FAM135B: variants seen among roughly 807,000 people sequenced by gnomAD.
The protein encoded by FAM135B is protein FAM135B.
A neutral mutation model predicts 127.7 loss-of-function variants in FAM135B; 43 were observed. That is an observed-to-expected ratio of 0.34 (90% CI 0.26 to 0.43). The LOEUF (loss-of-function observed/expected upper bound fraction) is 0.43, where lower values mean the gene tolerates loss of function less well. FAM135B is among the 20% of genes least tolerant of loss of function. The pLI is 1.00. For missense variants in FAM135B, 1,558 were observed against 1,725.6 expected (o/e 0.90, Z 1.72); for synonymous variants, 670 against 665.1 (o/e 1.01, Z -0.11).
intron 1 of FAM135B, among the ~76,000 whole-genome samples, chr8:138,416,878 A>G (rs1488042976): frequency 6.6e-6 from 1 of 152,058 alleles, no homozygotes; most frequent in African/African-American, 2.4e-5. Flanking sequence ...AAGCACCAGG[A>G]CTCAGTCCTG....
intron 6 of FAM135B, among the ~76,000 whole-genome samples, chr8:138,248,072 T>C (rs1275974224): frequency 6.6e-6 from 1 of 152,200 alleles, no homozygotes; most frequent in African/African-American, 2.4e-5. Context: ...TGGGAGGTGC[T>C]AAATAAAAAT....
chr8:138,274,993 C>T (rs1261412344), intron 3 of FAM135B, among the ~76,000 whole-genome samples: 1 of 151,958 alleles, frequency 6.6e-6, no homozygotes, highest in African/African-American at 2.4e-5. Flanking sequence ...TCCTCCTCAG[C>T]TGACAGGATT....
chr8:138,255,921 A>T (rs990470455), intron 5 of FAM135B, among the ~76,000 whole-genome samples: 1 of 152,152 alleles, frequency 6.6e-6, no homozygotes, highest in Admixed American at 6.5e-5. Context: ...TGGGAAAGAA[A>T]GGGGGGATAT....
rs1817161999 is a variant in FAM135B at position 138,141,668 on chromosome 8, C to A, written c.3639-319G>T. On this transcript the variant is annotated intron_variant, in intron 16 of 19. Coordinates refer to ENST00000395297, the MANE Select transcript of FAM135B (RefSeq NM_015912.4). The surrounding 1 kb of genome is among the most constrained non-coding windows in gnomAD (Gnocchi z 4.7). ...AAGGGAAGGTCCTTCCTGAAATGCACCTCTGAGCATTGAAATCTCCTGGTC... is the reference window on the plus strand; with the variant it reads ...AAGGGAAGGTCCTTCCTGAAATGCAACTCTGAGCATTGAAATCTCCTGGTC... 6.6e-6 allele frequency among the ~76,000 whole-genome samples: 1 copy of A among 152,150 alleles called. No homozygotes were observed. The highest frequency in any genetic ancestry group is 2.1e-4 in the South Asian group (1 of 4,820).
chr8:138,188,325 G>T (rs1815773510), intron 9 of FAM135B, among the ~76,000 whole-genome samples: 1 of 152,156 alleles, frequency 6.6e-6, no homozygotes. Flanking sequence ...GCAGGCCCAG[G>T]ACTCACAACC....
At chr8:138,461,197 C>A (rs768235793) in intron 1 of FAM135B, among the ~76,000 whole-genome samples, 6 of 152,098 alleles carry the variant, frequency 3.9e-5, no homozygotes, top group Non-Finnish European at 8.8e-5. Flanking sequence ...GACAGCAGTC[C>A]TGGCTCACAC....
chr8:138,414,476 G>T (rs1834033724), intron 1 of FAM135B, among the ~76,000 whole-genome samples: 1 of 152,092 alleles, frequency 6.6e-6, no homozygotes, highest in African/African-American at 2.4e-5. Context: ...CCCCCCAAAA[G>T]AGATGGTGCA....
intron 9 of FAM135B, among the ~76,000 whole-genome samples, chr8:138,187,856 GC>G (rs1394033608): frequency 6.6e-6 from 1 of 152,170 alleles, no homozygotes; most frequent in African/African-American, 2.4e-5. Context: ...TTTGAGCCCG[GC>G]CCCGATCTCT....
chr8:138,404,961 A>T (rs1363965954), intron 1 of FAM135B, among the ~76,000 whole-genome samples: 1 of 152,194 alleles, frequency 6.6e-6, no homozygotes, highest in Non-Finnish European at 1.5e-5. Context: ...AATGGCAGCT[A>T]AAATTATGAA....
intron 4 of FAM135B, among the ~76,000 whole-genome samples, chr8:138,259,441 AC>A (rs1250567008): frequency 6.6e-6 from 1 of 152,188 alleles, no homozygotes; most frequent in Non-Finnish European, 1.5e-5. Context: ...AATTACACCT[AC>A]TTGCAAAGCA....
chr8:138,438,555 A>C (rs916641388), intron 1 of FAM135B: 1 of 152,228 alleles, frequency 6.6e-6, no homozygotes, highest in Admixed American at 6.5e-5. Context: ...TTATTGAAAC[A>C]GGAGAAAAGA....
chr8:138,152,040 C>T lies in FAM135B; in HGVS notation c.2435G>A (p.Cys812Tyr), dbSNP rs780954679. The T allele has an allele frequency of 6.2e-7, 1 of 1,614,036 alleles. No individual in the cohort carries two copies. The highest frequency in any genetic ancestry group is 8.5e-7 in the Non-Finnish European group (1 of 1,180,034). ...TCCAGAGTCACCACAAAGTTGAGAG[C>T]AAGATCCTGGGGAACCTTGGCTCTT... ...HSKSQGSPGS[C>Y]SQLCGDSGTD... The change falls in exon 13 of 20, where the codon TGC becomes TAC. Residue 812 changes from cysteine (C) to tyrosine (Y), a missense_variant. Cys to Tyr is a radical substitution (Grantham distance 194). Around this residue, in one of 5 missense-constraint regions of FAM135B, gnomAD observed 923 missense variants for 865.3 expected, o/e 1.07. Transcript: ENST00000395297.
intron 2 of FAM135B, among the ~76,000 whole-genome samples, chr8:138,360,770 CATG>C (rs1830371167): frequency 6.6e-6 from 1 of 152,130 alleles, no homozygotes; most frequent in South Asian, 2.1e-4. Context: ...ACTTCTAGTA[CATG>C]ATGAAGTTTG....
chr8:138,375,506 C>T (rs148698921), intron 1 of FAM135B, among the ~76,000 whole-genome samples: 29 of 152,226 alleles, frequency 1.9e-4, no homozygotes, highest in African/African-American at 6.0e-4. Context: ...CAGTCTCCTC[C>T]TCTGTAAAAC....
At chr8:138,155,246 G>A (rs1211736534) in intron 12 of FAM135B, among the ~76,000 whole-genome samples, 2 of 152,172 alleles carry the variant, frequency 1.3e-5, no homozygotes, top group African/African-American at 4.8e-5. Context: ...AGCAAATGCT[G>A]AGAGATTTTG....
intron 1 of FAM135B, among the ~76,000 whole-genome samples, chr8:138,402,203 C>CTTTT (rs3085343): frequency 0.46 from 70,375 of 151,490 alleles, 16,733 homozygotes; most frequent in Admixed American, 0.58. Flanking sequence ...GGAACACTGC[C>CTTTT]TTTTCAACAG....
chr8:138,427,120 C>T (rs1834931669), intron 1 of FAM135B, among the ~76,000 whole-genome samples: 1 of 151,814 alleles, frequency 6.6e-6, no homozygotes, highest in Admixed American at 6.6e-5. Context: ...GGTGTTATAA[C>T]TCAGGATTGT....
chr8:138,421,858 G>C (rs1834528820), intron 1 of FAM135B, among the ~76,000 whole-genome samples: 1 of 152,092 alleles, frequency 6.6e-6, no homozygotes, highest in Non-Finnish European at 1.5e-5. Flanking sequence ...AAAGCTAGAG[G>C]CATTACATTA....
intron 3 of FAM135B, among the ~76,000 whole-genome samples, chr8:138,299,113 T>TAAAAA (rs1462981187): frequency 4.2e-5 from 6 of 143,080 alleles, no homozygotes; most frequent in African/African-American, 7.8e-5. Flanking sequence ...ATAAATAAAA[T>TAAAAA]AAAAATAAAA....
Sources: allele counts gnomAD v4.1 joint callset (sites outside exome capture counted in the v4.1 genomes callset), GRCh38; gene constraint gnomAD v4.1.1; regional missense constraint gnomAD v4.1.1; non-coding constraint Gnocchi (gnomAD v3.1); transcripts MANE v1.5; gene names NCBI Gene and HGNC (gene_info 2026-07-23, HGNC 2026-07-21).